Variants in ROBO2 observed in about 807,000 individuals in gnomAD.
ROBO2 encodes the protein roundabout guidance receptor 2.
A neutral mutation model predicts 160.8 loss-of-function variants in ROBO2; 53 were observed. That is an observed-to-expected ratio of 0.33 (90% confidence interval 0.26 to 0.41). The LOEUF (loss-of-function observed/expected upper bound fraction) is 0.41, where lower values mean the gene tolerates loss of function less well. Among genes scored for constraint, ROBO2 ranks in the 10% least tolerant of loss-of-function variants. The pLI is 1.00. For synonymous variants in ROBO2, 664 were observed against 611.7 expected, an observed-to-expected ratio of 1.09 and a Z score of -1.26; for missense variants, 1,577 against 1,722.4, an observed-to-expected ratio of 0.92 and a Z score of 1.49.
intron 2 of ROBO2, among the ~76,000 whole-genome samples, chr3:75,955,636 T>TA (rs889056911): frequency 5.3e-5 from 8 of 150,616 alleles, no homozygotes; most frequent in South Asian, 2.1e-4. Context: ...AGTATAATAA[T>TA]AAAAAAAAAG....
At chr3:76,848,432 G>A (rs1054603937) in intron 2 of ROBO2, among the ~76,000 whole-genome samples, 2 of 152,140 alleles carry the variant, frequency 1.3e-5, no homozygotes, top group African/African-American at 4.8e-5. Context: ...TTTTCCCATA[G>A]TTAGGAAGAG....
chr3:76,217,425 TAAAG>T (rs959973194), intron 2 of ROBO2, among the ~76,000 whole-genome samples: 2 of 151,584 alleles, frequency 1.3e-5, no homozygotes, highest in Admixed American at 6.6e-5. Context: ...AGAAGACTAA[TAAAG>T]AAGAAAAGAG....
chr3:75,936,184 G>A (rs1947774298), intron 1 of ROBO2, among the ~76,000 whole-genome samples: 1 of 152,128 alleles, frequency 6.6e-6, no homozygotes, highest in Non-Finnish European at 1.5e-5. Flanking sequence ...TGAGTTAGAT[G>A]TTTCTTAAAT....
intron 2 of ROBO2, among the ~76,000 whole-genome samples, chr3:76,400,751 G>A (rs1349148809): frequency 6.6e-6 from 1 of 151,416 alleles, no homozygotes; most frequent in Non-Finnish European, 1.5e-5. Flanking sequence ...GTGACACCAA[G>A]TTCACTAGGT....
chr3:76,748,959 AAT>A (rs2093935966), intron 2 of ROBO2, among the ~76,000 whole-genome samples: 1 of 151,902 alleles, frequency 6.6e-6, no homozygotes, highest in South Asian at 2.1e-4. Context: ...ATTATAGCTA[AAT>A]ATGTTTTGAC....
chr3:77,072,273 T>G (rs2067505424), intron 1 of ROBO2, among the ~76,000 whole-genome samples: 1 of 152,084 alleles, frequency 6.6e-6, no homozygotes, highest in Admixed American at 6.6e-5. Context: ...GATTCTACAT[T>G]ATGGTGAGTT....
intron 2 of ROBO2, among the ~76,000 whole-genome samples, chr3:77,302,324 T>C (rs981065079): frequency 6.6e-5 from 10 of 152,130 alleles, no homozygotes; most frequent in African/African-American, 2.4e-4. Flanking sequence ...AACTAATGAA[T>C]ACATATAAAC....
intron 2 of ROBO2, among the ~76,000 whole-genome samples, chr3:76,337,156 A>G (rs575205204): frequency 1.3e-5 from 2 of 152,284 alleles, no homozygotes; most frequent in East Asian, 3.9e-4. Context: ...TTTCATTATT[A>G]AACATTTGTC....
chr3:76,334,410 A>G (rs576396378), intron 2 of ROBO2, among the ~76,000 whole-genome samples: 6 of 152,292 alleles, frequency 3.9e-5, no homozygotes, highest in African/African-American at 1.4e-4. Flanking sequence ...ACTTAGAGAA[A>G]TCTGCTTGGA....
Position 76,746,825 on chromosome 3 carries a change from G to A in ROBO2, c.110-351189G>A, listed in dbSNP as rs2093900678. Among the ~76,000 whole-genome samples, 3 of 152,062 alleles carry A rather than the reference G, an allele frequency of 2.0e-5. No individual in the cohort carries two copies. The South Asian group carries it at 6.2e-4, about 32-fold the overall frequency. On this transcript the variant is annotated intron_variant, in intron 2 of 26. Coordinates refer to the ROBO2 transcript ENST00000487694. ...CTCCCACCACTCCATCCTCTGACAA[G>A]CCCCAGTGTTTGTTGTTACGCTCCC... is the stretch of plus-strand genomic sequence containing the variant.
chr3:77,605,734 G>A (rs1490078064), intron 20 of ROBO2, among the ~76,000 whole-genome samples: 2 of 152,138 alleles, frequency 1.3e-5, no homozygotes, highest in Non-Finnish European at 2.9e-5. Flanking sequence ...CTGGGTGAAT[G>A]TGGACCACGT....
At chr3:76,301,576 G>A (rs2107740614) in intron 2 of ROBO2, among the ~76,000 whole-genome samples, 1 of 152,168 alleles carries the variant, frequency 6.6e-6, no homozygotes, top group Admixed American at 6.5e-5. Context: ...CATTACACCT[G>A]ACACTTCAAG....
intron 2 of ROBO2, among the ~76,000 whole-genome samples, chr3:76,284,113 C>G (rs1414709014): frequency 6.6e-6 from 1 of 151,876 alleles, no homozygotes; most frequent in Admixed American, 6.6e-5. Flanking sequence ...ATGTTTTCAC[C>G]TTTAAAAAAT....
intron 2 of ROBO2, among the ~76,000 whole-genome samples, chr3:76,510,899 A>G (rs1668859734): frequency 6.6e-6 from 1 of 152,200 alleles, no homozygotes; most frequent in African/African-American, 2.4e-5. Context: ...GCAAAGATCT[A>G]TCACAAGAAA....
chr3:76,883,052 AC>A (rs2073518377), intron 2 of ROBO2, among the ~76,000 whole-genome samples: 1 of 152,166 alleles, frequency 6.6e-6, no homozygotes, highest in Admixed American at 6.5e-5. Context: ...ATGATCCCAA[AC>A]AAAAACACCA....
At chr3:76,893,849 A>G (rs2074550920) in intron 2 of ROBO2, among the ~76,000 whole-genome samples, 1 of 152,058 alleles carries the variant, frequency 6.6e-6, no homozygotes, top group Non-Finnish European at 1.5e-5. Flanking sequence ...CTCAGCCTCT[A>G]GCATCTATCA....
At chr3:77,459,729 C>T (rs2082041685) in intron 2 of ROBO2, among the ~76,000 whole-genome samples, 1 of 151,942 alleles carries the variant, frequency 6.6e-6, no homozygotes. Flanking sequence ...TGTAGGAAGT[C>T]ATGGGGAGAA....
At chr3:76,839,374 G>A (rs778100493) in intron 2 of ROBO2, among the ~76,000 whole-genome samples, 1 of 152,114 alleles carries the variant, frequency 6.6e-6, no homozygotes, top group Non-Finnish European at 1.5e-5. Context: ...AATTTATTGA[G>A]TTCATGAGGC....
chr3:77,531,522 A>T (rs1223722092), intron 6 of ROBO2, among the ~76,000 whole-genome samples: 1 of 117,092 alleles, frequency 8.5e-6, no homozygotes, highest in East Asian at 2.7e-4. Context: ...GTCTATTCTG[A>T]GGCCACCAAG....
Sources: allele counts gnomAD v4.1 joint callset (sites outside exome capture counted in the v4.1 genomes callset), GRCh38; gene constraint gnomAD v4.1.1; transcripts MANE v1.5; gene names NCBI Gene and HGNC (gene_info 2026-07-23, HGNC 2026-07-21).